TLL2: variants seen among roughly 807,000 people sequenced by gnomAD.
TLL2 encodes the protein tolloid-like protein 2.
A neutral mutation model predicts 123.0 loss-of-function variants in TLL2; 106 were observed. That is an observed-to-expected ratio of 0.86 (90% CI 0.74 to 1.01). The LOEUF (loss-of-function observed/expected upper bound fraction) is 1.01, where lower values mean the gene tolerates loss of function less well. TLL2 is among the 50% of genes least tolerant of loss of function. The pLI is 0.00. For missense variants in TLL2, 1,332 were observed against 1,336.7 expected, an observed-to-expected ratio of 1.00 and a Z score of 0.06; for synonymous variants, 494 against 516.8, an observed-to-expected ratio of 0.96 and a Z score of 0.60.
chr10:96,445,742 C>T (rs547483165), intron 3 of TLL2, among the ~76,000 whole-genome samples: 3 of 152,220 alleles, frequency 2.0e-5, no homozygotes, highest in Non-Finnish European at 4.4e-5. Flanking sequence ...CACCAAATGC[C>T]GCCCTTCCAT....
chr10:96,428,783 T>C (rs1316684447), intron 4 of TLL2, 35 bp from the exon 5 acceptor site: 2 of 1,367,144 alleles, frequency 1.5e-6, no homozygotes, highest in Middle Eastern at 1.8e-4. Flanking sequence ...ACTTCAATGA[T>C]GGGTCCATAT....
At chr10:96,459,898 A>T (rs1413560732) in intron 2 of TLL2, among the ~76,000 whole-genome samples, 1 of 151,188 alleles carries the variant, frequency 6.6e-6, no homozygotes, top group East Asian at 1.9e-4. Context: ...ACCCCAAAAT[A>T]AAACCCAAAT....
At chr10:96,503,448 CA>C (rs1031260224) in intron 1 of TLL2, among the ~76,000 whole-genome samples, 1 of 152,118 alleles carries the variant, frequency 6.6e-6, no homozygotes, top group African/African-American at 2.4e-5. Context: ...GAGACTTGGT[CA>C]AAACTACACA....
At chr10:96,501,805 T>C (rs1847536100) in intron 1 of TLL2, among the ~76,000 whole-genome samples, 1 of 152,250 alleles carries the variant, frequency 6.6e-6, no homozygotes, top group Non-Finnish European at 1.5e-5. Context: ...CTACCCTTTC[T>C]GAATCCCTCT....
chr10:96,497,053 A>G (rs2031327), intron 1 of TLL2, among the ~76,000 whole-genome samples: 148,154 of 152,114 alleles, frequency 0.97, 72,255 homozygotes, highest in Middle Eastern at 1. Flanking sequence ...GGCCAAGGCC[A>G]GTGGATCACT....
At position 96,422,611 on chromosome 10, in the gene TLL2, T is replaced by C; in HGVS notation, c.755A>G (p.His252Arg). Residue 252 changes from histidine to arginine, a missense_variant, in exon 6 of 21, where the codon CAT (histidine) becomes CGT (arginine). Coordinates refer to ENST00000357947, the MANE Select transcript of TLL2 (RefSeq NM_012465.4). The part of the protein sequence containing the change: ...HELGHVVGFW[H>R]EHTRPDRDQH... ...GTCTCTGTCTGGCCGGGTGTGTTCA[T>C]GCCAAAACCCAACCACATGGCCCAG... The C allele has an allele frequency of 1.2e-6, 2 of 1,614,220 alleles. No individual in the cohort carries two copies. Among genetic ancestry groups the C allele is most frequent in the South Asian group, 1.1e-5 (1 of 91,086 alleles).
rs76225086 is a variant in TLL2, at chr10:96,491,881, C to T, written c.176-11422G>A. On this transcript the variant is annotated intron_variant, in intron 1 of 20. Transcript: ENST00000357947. ...GTCGCAAGGAGGTAACAGCCAGCTC[C>T]GGGCCACTGCAGTAATGACAGTAAG... is the stretch of plus-strand genomic sequence containing the variant. Among the ~76,000 whole-genome samples the T allele has an allele frequency of 3.3e-3, 507 of 152,200 alleles. 1 individual carries two copies. Among genetic ancestry groups the T allele is most frequent in the Non-Finnish European group, 6.1e-3 (413 of 68,002 alleles).
chr10:96,492,019 G>GGCAA (rs1847418881), intron 1 of TLL2, among the ~76,000 whole-genome samples: 1 of 151,988 alleles, frequency 6.6e-6, no homozygotes, highest in African/African-American at 2.4e-5. Flanking sequence ...AGCCTTGCAG[G>GGCAA]GCAAGGCTCA....
intron 2 of TLL2, among the ~76,000 whole-genome samples, chr10:96,467,748 A>C (rs1159122435): frequency 6.6e-6 from 1 of 152,222 alleles, no homozygotes; most frequent in Non-Finnish European, 1.5e-5. Flanking sequence ...CAATAAATAC[A>C]AACAAAAATA....
chr10:96,388,630 A>G (rs1035843725), intron 13 of TLL2, among the ~76,000 whole-genome samples: 3 of 152,198 alleles, frequency 2.0e-5, no homozygotes, highest in African/African-American at 7.2e-5. Context: ...TATTGGGTCA[A>G]AAGTCTGACT....
At chr10:96,482,949 G>C (rs1054354090) in intron 1 of TLL2, among the ~76,000 whole-genome samples, 1 of 152,194 alleles carries the variant, frequency 6.6e-6, no homozygotes, top group Non-Finnish European at 1.5e-5. Context: ...TGTTTCTCTC[G>C]CAGAAGCTTC....
intron 9 of TLL2, among the ~76,000 whole-genome samples, chr10:96,408,053 C>A (rs1197682661): frequency 3.3e-5 from 5 of 152,208 alleles, no homozygotes; most frequent in Non-Finnish European, 4.4e-5. Flanking sequence ...GAGGGGGACC[C>A]AAAATAAACA....
At chr10:96,465,831 C>A (rs749470499) in intron 2 of TLL2, among the ~76,000 whole-genome samples, 1 of 152,286 alleles carries the variant, frequency 6.6e-6, no homozygotes, top group East Asian at 1.9e-4. Flanking sequence ...CCTGTTGTTA[C>A]GCAACTCTGT....
chr10:96,489,910 A>T (rs1228018382), intron 1 of TLL2, among the ~76,000 whole-genome samples: 3 of 152,138 alleles, frequency 2.0e-5, no homozygotes, highest in Admixed American at 1.3e-4. Context: ...CAGCCTGGCC[A>T]ACATGGTGAC....
chr10:96,465,626 A>G (rs1847122011), intron 2 of TLL2, among the ~76,000 whole-genome samples: 2 of 152,232 alleles, frequency 1.3e-5, no homozygotes, highest in Non-Finnish European at 2.9e-5. Context: ...GAGGAAGGGG[A>G]AAAACAGCCT....
intron 5 of TLL2, among the ~76,000 whole-genome samples, chr10:96,427,434 C>T (rs1032396437): frequency 9.9e-5 from 15 of 152,196 alleles, no homozygotes; most frequent in Admixed American, 7.9e-4. Context: ...AATTAAGTCT[C>T]GTGCTACTGA....
Position 96,386,185 on chromosome 10 carries a change from T to C in TLL2, c.1883A>G (p.Asn628Ser), listed in dbSNP as rs1186337088. Residue 628 changes from asparagine (N) to serine (S), a missense_variant, in exon 15 of 21, where the codon AAT becomes AGT. Transcript: ENST00000357947. ...CCACCCAGGGCTGGTGATGGTTCCA[T>C]TCAGCTTGGTAATGAAACCGCCACA... ...VACGGFITKLNGTITSPGWPK... is the reference protein window; with the variant it reads ...VACGGFITKLSGTITSPGWPK... 1 of 1,604,874 alleles carries C rather than the reference T, an allele frequency of 6.2e-7. No homozygotes were observed. Among genetic ancestry groups the C allele is most frequent in the Non-Finnish European group, 8.5e-7 (1 of 1,175,052 alleles).
At chr10:96,399,585 C>G (rs546171621) in intron 10 of TLL2, among the ~76,000 whole-genome samples, 3 of 152,322 alleles carry the variant, frequency 2.0e-5, no homozygotes, top group Admixed American at 6.5e-5. Context: ...AAGAAAAAAT[C>G]CACCAGAAGC....
In TLL2 at chr10:96,480,571, C is replaced by T. The variant is rs549473760; in HGVS notation, c.176-112G>A. 1.4e-3 allele frequency: 1,109 copies of T among 803,550 alleles called. 4 individuals are homozygous for T. Among genetic ancestry groups the T allele is most frequent in the Middle Eastern group, 3.0e-3 (13 of 4,342 alleles). The allele number at this position is 803,550 out of a possible 1,614,324, so 49.8% of individuals were successfully genotyped here. A position where few individuals can be genotyped will look rare whatever the true frequency, so the allele number is the denominator to read the frequency against. On this transcript the variant is annotated intron_variant, in intron 1 of 20. Transcript: ENST00000357947. ...GGGTGGTAAACTTTGGAAAAGACAG[C>T]CCATCCAGTAAAATTTCTCCTTGAG...
Sources: gnomAD v4.1 joint callset for allele counts (sites outside exome capture counted in the v4.1 genomes callset) on GRCh38, gnomAD v4.1.1 for gene constraint, MANE v1.5 for transcripts, NCBI Gene and HGNC (gene_info 2026-07-23, HGNC 2026-07-21) for gene names.